Variants in TUT7 observed in about 807,000 individuals in gnomAD.
The protein encoded by TUT7 is terminal uridylyl transferase 7.
In TUT7, 33 loss-of-function variants were observed where a neutral mutation model predicts 165.9. The ratio of observed to expected loss-of-function variants is 0.20; its 90% CI spans 0.15 to 0.27. The LOEUF is 0.27. Ranked by LOEUF, TUT7 falls within the 10% of genes least tolerant of loss-of-function variation. The pLI, the probability that TUT7 is intolerant of heterozygous loss-of-function variation, is 1.00. For synonymous variants in TUT7, 552 were observed against 608.1 expected, an observed-to-expected ratio of 0.91 and a Z score of 1.36; for missense variants, 1,338 against 1,762.3, an observed-to-expected ratio of 0.76 and a Z score of 4.31.
chr9:86,310,921 T>C (rs934502969), intron 17 of TUT7, 112 bp from the exon 18 acceptor site: 11 of 633,212 alleles, frequency 1.7e-5, no homozygotes, highest in South Asian at 1.4e-4. Flanking sequence ...GCCTGTTTCA[T>C]TGCATTCATT....
chr9:86,342,389 A>G (rs551191926), intron 6 of TUT7, among the ~76,000 whole-genome samples: 1 of 152,136 alleles, frequency 6.6e-6, no homozygotes, highest in Non-Finnish European at 1.5e-5. Flanking sequence ...ATAATCTACT[A>G]AAGTGCCTTT....
intron 5 of TUT7, among the ~76,000 whole-genome samples, chr9:86,343,438 A>C (rs1454894417): frequency 1.3e-5 from 2 of 152,202 alleles, no homozygotes; most frequent in African/African-American, 4.8e-5. Flanking sequence ...CATGTATTTT[A>C]TGAATAAAAT....
Position 86,309,988 on chromosome 9 carries a change from A to G in TUT7, c.3408T>C (p.Ala1136=). ...TCACTCTGGGATCAATGGCGGAATA[A>G]GCAGATAAAAGCCTTGTGTTATGAA... ...LALHNTRLLS[A]YSAIDPRVKY... Residue 1136 remains alanine, a synonymous_variant, in exon 19 of 27, where the codon GCT becomes GCC. Transcript: ENST00000375963. 1 of 1,613,924 alleles carries G rather than the reference A, an allele frequency of 6.2e-7. No homozygotes were observed. The highest frequency in any genetic ancestry group is 8.5e-7 in the Non-Finnish European group (1 of 1,179,882).
intron 2 of TUT7, among the ~76,000 whole-genome samples, chr9:86,349,523 G>A (rs1278370829): frequency 6.6e-6 from 1 of 152,078 alleles, no homozygotes; most frequent in Admixed American, 6.5e-5. Flanking sequence ...TAAAGTAGGG[G>A]CAGTAATGTA....
At chr9:86,297,049 T>G (rs1477703971) in intron 26 of TUT7, among the ~76,000 whole-genome samples, 2 of 152,226 alleles carry the variant, frequency 1.3e-5, no homozygotes, top group African/African-American at 2.4e-5. Flanking sequence ...GTTAATACTT[T>G]TTTTCCAGTT....
At position 86,328,548 on chromosome 9, in the gene TUT7, C is replaced by T; in HGVS notation, c.1456-56G>A. On this transcript the variant is annotated intron_variant, in intron 10 of 26. Transcript: ENST00000375963. Reference sequence around the variant, plus strand: ...GATAGAAATAATCTTATATCAAACACAGTCTACTAATCTTGGAATAAAAAA... The same window carrying T: ...GATAGAAATAATCTTATATCAAACATAGTCTACTAATCTTGGAATAAAAAA... 5 of 1,445,590 alleles carry T rather than the reference C, an allele frequency of 3.5e-6. No homozygotes were observed. In the Middle Eastern group the frequency reaches 5.5e-4, roughly 158 times the overall value. 89.5% of individuals were successfully genotyped at this position (1,445,590 alleles called of 1,614,324 possible).
intron 17 of TUT7, among the ~76,000 whole-genome samples, chr9:86,314,482 C>G (rs1257291429): frequency 6.6e-6 from 1 of 152,186 alleles, no homozygotes; most frequent in African/African-American, 2.4e-5. Flanking sequence ...AGATTATATG[C>G]TCATGGCAAA....
At chr9:86,347,167 T>C (rs1490162699) in intron 2 of TUT7, among the ~76,000 whole-genome samples, 10 of 152,204 alleles carry the variant, frequency 6.6e-5, no homozygotes, top group Admixed American at 1.3e-4. Flanking sequence ...TTGAATGGCC[T>C]GTACACTGAG....
chr9:86,299,109 G>T (rs916055371), intron 26 of TUT7, among the ~76,000 whole-genome samples: 19 of 152,172 alleles, frequency 1.2e-4, no homozygotes, highest in Admixed American at 2.6e-4. Context: ...ACAGCGCAAG[G>T]ACATGGTGCA....
Position 86,352,911 on chromosome 9 carries a change from G to C in TUT7, c.289C>G (p.Gln97Glu). The change falls in exon 2 of 27, where the codon CAG becomes GAG. Residue 97 changes from glutamine to glutamate, a missense_variant. Physicochemically the swap from Gln to Glu is conservative, Grantham distance 29. Transcript: ENST00000375963. The stretch of plus-strand genomic sequence containing the variant: ...TCATCAGACAGCCATCTCTTACTCT[G>C]ATCTTTGTGGCTGTCATTCATCCAA... ...PAWMNDSHKD[Q>E]SKRWLSDEHT... The C allele has an allele frequency of 1.2e-6, 2 of 1,614,184 alleles. No homozygotes were observed. The highest frequency in any genetic ancestry group is 1.7e-6 in the Non-Finnish European group (2 of 1,180,032).
At chr9:86,313,196 G>A (rs1235955003) in intron 17 of TUT7, among the ~76,000 whole-genome samples, 1 of 151,970 alleles carries the variant, frequency 6.6e-6, no homozygotes, top group African/African-American at 2.4e-5. Context: ...TCAAAGAGGA[G>A]CCAATGAACT....
At chr9:86,293,427 C>G (rs1256542849) in intron 26 of TUT7, among the ~76,000 whole-genome samples, 2 of 151,962 alleles carry the variant, frequency 1.3e-5, no homozygotes, top group African/African-American at 4.8e-5. Context: ...GCCTGGGCGA[C>G]AGTGAGACCC....
In TUT7 at chr9:86,315,754, T is replaced by C. The variant is rs551889196; in HGVS notation, c.3274+1465A>G. 1.5e-3 allele frequency among the ~76,000 whole-genome samples: 195 copies of C among 130,382 alleles called. 1 individual carries two copies. The highest frequency in any genetic ancestry group is 3.3e-3 in the Admixed American group (45 of 13,660). 85.5% of individuals were successfully genotyped at this position (130,382 alleles called of 152,430 possible). On this transcript the variant is annotated intron_variant, in intron 17 of 26. Coordinates refer to ENST00000375963, the MANE Select transcript of TUT7 (RefSeq NM_024617.4). The stretch of plus-strand genomic sequence containing the variant: ...AAAGTATATCAATGCACTTTTTTTC[T>C]TTTTTTTTTATATTGTTCTGCCCTC...
At chr9:86,297,786 A>C (rs893339513) in intron 26 of TUT7, among the ~76,000 whole-genome samples, 11 of 152,132 alleles carry the variant, frequency 7.2e-5, no homozygotes, top group Non-Finnish European at 1.2e-4. Flanking sequence ...ACCCTACAAT[A>C]GTCTCTCATT....
In TUT7 at chr9:86,352,810, T is replaced by A. The variant is rs753824494; in HGVS notation, c.390A>T (p.Lys130Asn). 4.3e-6 allele frequency: 7 copies of A among 1,614,084 alleles called. No individual in the cohort carries two copies. The Admixed American group carries it at 6.7e-5, about 15-fold the overall frequency. ...CATCTTCATTTTCTTGAAAGGAGTC[T>A]TTTCTTTGTCGGTTTATAACAGGAA... ...PRIPVINRQR[K>N]DSFQENEDGY... The change falls in exon 2 of 27, where the codon AAA becomes AAT. Residue 130 changes from lysine (K) to asparagine (N), a missense_variant. Physicochemically the swap from Lys to Asn is moderately conservative, Grantham distance 94 (BLOSUM62 0). Around this residue, in one of 7 missense-constraint regions of TUT7, gnomAD observed 434 missense variants for 480.8 expected, o/e 0.90. Coordinates refer to ENST00000375963, the MANE Select transcript of TUT7 (RefSeq NM_024617.4).
At chr9:86,293,899 G>C (rs1176582659) in intron 26 of TUT7, among the ~76,000 whole-genome samples, 1 of 151,998 alleles carries the variant, frequency 6.6e-6, no homozygotes, top group African/African-American at 2.4e-5. Flanking sequence ...GCGCACACCA[G>C]TACACCTGAC....
intron 26 of TUT7, among the ~76,000 whole-genome samples, chr9:86,295,300 TA>T (rs993441006): frequency 1.4e-4 from 22 of 152,292 alleles, no homozygotes; most frequent in Non-Finnish European, 1.9e-4. Context: ...TTGATACATT[TA>T]AGGCTGATTT....
chr9:86,346,289 A>C lies in TUT7; in HGVS notation c.702+10T>G, dbSNP rs777905993. 1.5e-5 allele frequency: 24 copies of C among 1,609,856 alleles called. No individual in the cohort carries two copies. The highest frequency in any genetic ancestry group is 2.0e-5 in the Non-Finnish European group (24 of 1,178,234). ...ATTCTAACCAACAAATATATATATA[A>C]GGATGTTACCCTTTTTAGCCTGTCA... On this transcript the variant is annotated intron_variant, in intron 3 of 26. Transcript: ENST00000375963.
intron 10 of TUT7, among the ~76,000 whole-genome samples, chr9:86,334,952 T>C (rs1272866454): frequency 6.6e-6 from 1 of 152,170 alleles, no homozygotes; most frequent in Non-Finnish European, 1.5e-5. Context: ...TAAAGACTGT[T>C]TGCATTTGTT....
Sources: gnomAD v4.1 joint callset for allele counts (sites outside exome capture counted in the v4.1 genomes callset) on GRCh38, gnomAD v4.1.1 for gene constraint, gnomAD v4.1.1 regional missense constraint, MANE v1.5 for transcripts, NCBI Gene and HGNC (gene_info 2026-07-23, HGNC 2026-07-21) for gene names.